Variants in ATP8B1 observed in about 807,000 individuals in gnomAD.
ATP8B1 encodes the protein ATPase phospholipid transporting 8B1.
In ATP8B1, 80 loss-of-function variants were observed where a neutral mutation model predicts 149.9. That is an observed-to-expected ratio of 0.53 (90% CI 0.45 to 0.64). The LOEUF (loss-of-function observed/expected upper bound fraction) is 0.64, where lower values mean the gene tolerates loss of function less well. Ranked by LOEUF, ATP8B1 falls within the 30% of genes least tolerant of loss-of-function variation. The pLI is 0.00. For synonymous variants in ATP8B1, 536 were observed against 562.8 expected (o/e 0.95, Z 0.67); for missense variants, 1,247 against 1,552.6 (o/e 0.80, Z 3.31).
chr18:57,707,195 C>T (rs1376165761), intron 2 of ATP8B1, among the ~76,000 whole-genome samples: 4 of 152,058 alleles, frequency 2.6e-5, no homozygotes, highest in Non-Finnish European at 5.9e-5. Context: ...TCTCAGGAGG[C>T]TGAGGCAGGA....
intron 1 of ATP8B1, among the ~76,000 whole-genome samples, chr18:57,755,192 C>T (rs62092625): frequency 0.16 from 24,837 of 151,982 alleles, 2,271 homozygotes; most frequent in African/African-American, 0.23. Flanking sequence ...TTGGAGAACC[C>T]GGGGCTGAAA....
chr18:57,684,960 G>A, intron 14 of ATP8B1, 112 bp downstream of exon 14: 4 of 1,334,796 alleles, frequency 3.0e-6, no homozygotes, highest in Non-Finnish European at 4.3e-6. Flanking sequence ...ACCACCAGGA[G>A]CAGGGAAGAG....
In ATP8B1 at chr18:57,661,456, T is replaced by G. The variant is rs770833303; in HGVS notation, c.2425A>C (p.Ile809Leu). The G allele has an allele frequency of 6.2e-7, 1 of 1,613,376 alleles. No homozygotes were observed. Among genetic ancestry groups the G allele is most frequent in the Middle Eastern group, 1.6e-4 (1 of 6,062 alleles). ...LIITGSWLNEILLEKKTKRNK... is the reference protein window; with the variant it reads ...LIITGSWLNELLLEKKTKRNK... ...CTCTTGGTCTTTTTCTCGAGAAGAATTTCATTCTGTGAAATCAGAGAGGGA... is the reference window on the plus strand; with the variant it reads ...CTCTTGGTCTTTTTCTCGAGAAGAAGTTCATTCTGTGAAATCAGAGAGGGA... Residue 809 changes from isoleucine to leucine, a missense_variant, in exon 22 of 28, where the codon ATT becomes CTT. Around this residue, in one of 3 missense-constraint regions of ATP8B1, gnomAD observed 853 missense variants for 1,035.7 expected, o/e 0.82. Transcript: ENST00000648908.
chr18:57,797,317 G>A (rs1046131428), intron 1 of ATP8B1, among the ~76,000 whole-genome samples: 2 of 152,200 alleles, frequency 1.3e-5, no homozygotes, highest in South Asian at 4.1e-4. Flanking sequence ...ATAAATGACA[G>A]CCCTGTCAAT....
intron 23 of ATP8B1, 133 bp downstream of exon 23, chr18:57,655,061 T>C: frequency 2.5e-6 from 2 of 796,706 alleles, no homozygotes; most frequent in Non-Finnish European, 4.1e-6. Context: ...CATTCTTAAT[T>C]ATGCCCCAAC....
intron 1 of ATP8B1, among the ~76,000 whole-genome samples, chr18:57,748,350 T>C (rs1568052708): frequency 6.6e-6 from 1 of 152,204 alleles, no homozygotes; most frequent in Non-Finnish European, 1.5e-5. Context: ...GGAGACATGC[T>C]GCCACAAGCC....
intron 20 of ATP8B1, among the ~76,000 whole-genome samples, chr18:57,665,524 TCATTAAG>T (rs1372247175): frequency 1.3e-5 from 2 of 151,982 alleles, no homozygotes; most frequent in Non-Finnish European, 2.9e-5. Flanking sequence ...TAAAGTAAAC[TCATTAAG>T]CATTAAGCAT....
rs553903193 is a variant in ATP8B1, at chr18:57,770,926, C to T, written c.-26+32072G>A. Among the ~76,000 whole-genome samples, 8 of 152,304 alleles carry T rather than the reference C, an allele frequency of 5.3e-5. No individual in the cohort carries two copies. The East Asian group carries it at 7.7e-4, about 15-fold the overall frequency. Reference sequence around the variant, plus strand: ...TCGCCCAGGCTGGAGTGCAGTGGCACGATCTCGGCTCACTGCAACTTCTGC... The same window carrying T: ...TCGCCCAGGCTGGAGTGCAGTGGCATGATCTCGGCTCACTGCAACTTCTGC... On this transcript the variant is annotated intron_variant, in intron 1 of 27. Transcript: ENST00000648908.
At chr18:57,696,209 T>C (rs1318569449) in intron 8 of ATP8B1, among the ~76,000 whole-genome samples, 2 of 152,242 alleles carry the variant, frequency 1.3e-5, no homozygotes, top group Non-Finnish European at 2.9e-5. Context: ...TAGGATCTTA[T>C]GTCTTTGTAA....
At chr18:57,668,278 C>A in intron 19 of ATP8B1, 151 bp downstream of exon 19, 1 of 1,334,344 alleles carries the variant, frequency 7.5e-7, no homozygotes, top group Non-Finnish European at 1.0e-6. Flanking sequence ...GCTGGAAAAA[C>A]AGAGGAGGGT....
chr18:57,662,558 CTT>C lies in ATP8B1; in HGVS notation c.2341_2342del (p.Lys781ValfsTer27). 1 of 1,614,158 alleles carries C rather than the reference CTT, an allele frequency of 6.2e-7. No homozygotes were observed. Among genetic ancestry groups the C allele is most frequent in the Non-Finnish European group, 8.5e-7 (1 of 1,180,042 alleles). Reference sequence around the variant, plus strand: ...AAGATTCCTGCACAGGAGGTGCAAACTTTGCGTAGACGCCACCTCTATTCCTC... The same window carrying C: ...AAGATTCCTGCACAGGAGGTGCAAACTGCGTAGACGCCACCTCTATTCCTC... ...NQRNRGGVYA[K>X]FAPPVQESFF... On this transcript the variant is annotated frameshift_variant, in exon 21 of 28. Coordinates refer to ENST00000648908, the MANE Select transcript of ATP8B1 (RefSeq NM_001374385.1). LOFTEE classifies it high-confidence loss of function.
rs79692883 is a variant in ATP8B1 at position 57,694,337 on chromosome 18, G to A, written c.1029+245C>T. Among the ~76,000 whole-genome samples the A allele has an allele frequency of 0.025, 3,871 of 151,978 alleles. 145 individuals carry two copies. The highest frequency in any genetic ancestry group is 0.088 in the African/African-American group (3,636 of 41,400). On this transcript the variant is annotated intron_variant, in intron 11 of 27. Coordinates refer to ENST00000648908, the MANE Select transcript of ATP8B1 (RefSeq NM_001374385.1). ...AGTTCCCGTCATCAAAGCACTCAGGGCACCCTACAACCGAAATTTCCCTTC... is the reference window on the plus strand; with the variant it reads ...AGTTCCCGTCATCAAAGCACTCAGGACACCCTACAACCGAAATTTCCCTTC...
At chr18:57,799,502 G>C (rs956977863) in intron 1 of ATP8B1, among the ~76,000 whole-genome samples, 2 of 152,108 alleles carry the variant, frequency 1.3e-5, no homozygotes, top group Non-Finnish European at 2.9e-5. Flanking sequence ...TTGAGGCCAG[G>C]AGTTTGAGAC....
chr18:57,755,112 A>G (rs529838807), intron 1 of ATP8B1, among the ~76,000 whole-genome samples: 101 of 152,246 alleles, frequency 6.6e-4, no homozygotes, highest in Admixed American at 1.2e-3. Flanking sequence ...TATCTTGCCA[A>G]TAAGAGACAC....
intron 1 of ATP8B1, among the ~76,000 whole-genome samples, chr18:57,777,616 T>C (rs910267013): frequency 6.6e-6 from 1 of 152,232 alleles, no homozygotes; most frequent in African/African-American, 2.4e-5. Context: ...TTGCCCAAGC[T>C]GGAGTGCACC....
At chr18:57,683,940 T>C in intron 15 of ATP8B1, 96 bp downstream of exon 15, 1 of 1,448,158 alleles carries the variant, frequency 6.9e-7, no homozygotes, top group South Asian at 1.2e-5. Context: ...GAGACAGATT[T>C]GTGTACTACT....
chr18:57,700,804 T>G (rs942176566), intron 6 of ATP8B1, among the ~76,000 whole-genome samples: 2 of 151,974 alleles, frequency 1.3e-5, no homozygotes, highest in Non-Finnish European at 2.9e-5. Flanking sequence ...TGTAATCCCA[T>G]CTACTCGGAG....
At chr18:57,765,675 A>G (rs1269798079) in intron 1 of ATP8B1, among the ~76,000 whole-genome samples, 1 of 128,384 alleles carries the variant, frequency 7.8e-6, no homozygotes, top group African/African-American at 4.3e-5. Flanking sequence ...TCTCAAAAGA[A>G]AAAAAAAAAA....
intron 15 of ATP8B1, 80 bp downstream of exon 15, chr18:57,683,956 T>C: frequency 6.6e-7 from 1 of 1,526,080 alleles, no homozygotes; most frequent in Non-Finnish European, 9.1e-7. Flanking sequence ...CTACTTGACA[T>C]GCATTTGAGC....
Sources: gnomAD v4.1 joint callset for allele counts (sites outside exome capture counted in the v4.1 genomes callset) on GRCh38, gnomAD v4.1.1 for gene constraint, gnomAD v4.1.1 regional missense constraint, MANE v1.5 for transcripts, NCBI Gene and HGNC (gene_info 2026-07-23, HGNC 2026-07-21) for gene names.